SERPINI1: variants seen among roughly 807,000 people sequenced by gnomAD.
SERPINI1 encodes serpin family I member 1, also known as neuroserpin.
SERPINI1 carries 19 observed loss-of-function variants against 41.1 expected under a neutral mutation model. The observed-to-expected ratio is 0.46, with a 90% CI of 0.32 to 0.68. SERPINI1 has a LOEUF of 0.68. SERPINI1 is among the 30% of genes least tolerant of loss of function. The pLI is 0.03. For synonymous variants in SERPINI1, 138 were observed against 156.6 expected (o/e 0.88, Z 0.89); for missense variants, 460 against 479.2 (o/e 0.96, Z 0.37).
At chr3:167,810,829 T>C (rs901974323) in intron 6 of SERPINI1, among the ~76,000 whole-genome samples, 3 of 152,226 alleles carry the variant, frequency 2.0e-5, no homozygotes, top group Non-Finnish European at 4.4e-5. Flanking sequence ...TTTCAAACCC[T>C]ACCACTGCTT....
chr3:167,819,665 T>C (rs1205252733), intron 6 of SERPINI1, among the ~76,000 whole-genome samples: 3 of 152,208 alleles, frequency 2.0e-5, no homozygotes, highest in African/African-American at 7.2e-5. Flanking sequence ...GTAACAGATG[T>C]ACCAAAATGT....
At chr3:167,772,823 A>ACTCTCTCTCTCTCTCTCTCT (rs1172788769) in intron 1 of SERPINI1, among the ~76,000 whole-genome samples, 3 of 23,646 alleles carry the variant, frequency 1.3e-4, no homozygotes, top group African/African-American at 2.9e-4. Flanking sequence ...GTATCTTGAG[A>ACTCTCTCTCTCTCTCTCTCT]CTCTCTCTCT....
intron 1 of SERPINI1, among the ~76,000 whole-genome samples, chr3:167,756,723 T>G (rs1241045424): frequency 2.6e-5 from 4 of 152,240 alleles, no homozygotes; most frequent in Admixed American, 1.3e-4. Flanking sequence ...TTGTAATGAC[T>G]ATGGCAGTCA....
At chr3:167,789,494 G>A in intron 2 of SERPINI1, 116 bp downstream of exon 2, 1 of 1,212,822 alleles carries the variant, frequency 8.2e-7, no homozygotes, top group South Asian at 1.3e-5. Context: ...CAATCTCATT[G>A]AAATGGTATG....
At chr3:167,771,863 A>C (rs888414093) in intron 1 of SERPINI1, among the ~76,000 whole-genome samples, 1 of 152,082 alleles carries the variant, frequency 6.6e-6, no homozygotes, top group South Asian at 2.1e-4. Context: ...ACGCGCACGC[A>C]CATGCACACA....
intron 6 of SERPINI1, among the ~76,000 whole-genome samples, chr3:167,807,687 GT>G (rs1347432127): frequency 1.3e-5 from 2 of 152,064 alleles, no homozygotes; most frequent in African/African-American, 4.8e-5. Context: ...TCCCATTGTA[GT>G]AAATCATGTA....
chr3:167,791,376 C>T (rs185590599), intron 3 of SERPINI1, among the ~76,000 whole-genome samples: 10 of 152,208 alleles, frequency 6.6e-5, no homozygotes, highest in Non-Finnish European at 1.5e-4. Flanking sequence ...TGAACAGATA[C>T]TCAATATCCC....
chr3:167,764,683 C>T (rs1190242672), intron 1 of SERPINI1, among the ~76,000 whole-genome samples: 1 of 152,182 alleles, frequency 6.6e-6, no homozygotes, highest in Non-Finnish European at 1.5e-5. Context: ...CTCATTTCAG[C>T]ATTAACTCCA....
At chr3:167,792,838 C>A (rs1727577599) in intron 4 of SERPINI1, 54 bp downstream of exon 4, 3 of 1,435,102 alleles carry the variant, frequency 2.1e-6, no homozygotes, top group Non-Finnish European at 2.9e-6. Context: ...CAACAGATTT[C>A]TAAGAAAAAC....
intron 1 of SERPINI1, among the ~76,000 whole-genome samples, chr3:167,770,257 A>G (rs1488160016): frequency 6.6e-6 from 1 of 151,850 alleles, no homozygotes. Context: ...TTTAAGTTTC[A>G]TTGTTTACTT....
intron 6 of SERPINI1, 46 bp from the exon 7 acceptor site, chr3:167,822,940 C>T: frequency 9.5e-7 from 1 of 1,052,084 alleles, no homozygotes; most frequent in Admixed American, 1.7e-5. Flanking sequence ...AAAATATTTT[C>T]CTATCTCTGA....
At chr3:167,784,247 T>G (rs1727233253) in intron 1 of SERPINI1, among the ~76,000 whole-genome samples, 1 of 152,216 alleles carries the variant, frequency 6.6e-6, no homozygotes. Context: ...GCATGTATTT[T>G]CCTGCAGGGA....
intron 4 of SERPINI1, 88 bp downstream of exon 4, chr3:167,792,872 C>A: frequency 8.8e-7 from 1 of 1,136,076 alleles, no homozygotes; most frequent in Non-Finnish European, 1.3e-6. Context: ...ATTCAAACTC[C>A]TTGTCAATCT....
At chr3:167,792,317 C>A (rs1016951122) in intron 3 of SERPINI1, among the ~76,000 whole-genome samples, 3 of 150,932 alleles carry the variant, frequency 2.0e-5, no homozygotes, top group African/African-American at 7.3e-5. Flanking sequence ...TTTTGAATGC[C>A]CTTAATTTCT....
intron 1 of SERPINI1, among the ~76,000 whole-genome samples, chr3:167,755,921 AAG>A (rs1227142094): frequency 6.6e-6 from 1 of 151,834 alleles, no homozygotes; most frequent in Non-Finnish European, 1.5e-5. Flanking sequence ...CGCTGACTGA[AAG>A]AGATGTAGCA....
Position 167,789,398 on chromosome 3 carries a change from AT to A in SERPINI1, c.250+23del. On this transcript the variant is annotated intron_variant, in intron 2 of 8. Coordinates refer to ENST00000446050, the MANE Select transcript of SERPINI1 (RefSeq NM_001122752.2). ...AAAATGGTAAGAGTGATCAGGTTTGATTTCTCAAGACTTTTGAATTTGACTT... is the reference window on the plus strand; with the variant it reads ...AAAATGGTAAGAGTGATCAGGTTTGATTCTCAAGACTTTTGAATTTGACTT... The A allele has an allele frequency of 6.2e-7, 1 of 1,613,826 alleles. No homozygotes were observed. Among genetic ancestry groups the A allele is most frequent in the Non-Finnish European group, 8.5e-7 (1 of 1,179,848 alleles).
rs1727861799 is a variant in SERPINI1 at position 167,800,418 on chromosome 3, T to TTA, written c.881+5601_881+5602dup. Among the ~76,000 whole-genome samples, 3 of 152,224 alleles carry TTA rather than the reference T, an allele frequency of 2.0e-5. No individual in the cohort carries two copies. The East Asian group carries it at 5.8e-4, about 29-fold the overall frequency. Reference sequence around the variant, plus strand: ...CACTGTGTTAATCTTATAGGTAGCTTTATATATACTTCTCTCTAAATTGAG... The same window carrying TTA: ...CACTGTGTTAATCTTATAGGTAGCTTTATATATATACTTCTCTCTAAATTGAG... On this transcript the variant is annotated intron_variant, in intron 5 of 8. Transcript: ENST00000446050.
chr3:167,758,954 A>G (rs954179011), intron 1 of SERPINI1, among the ~76,000 whole-genome samples: 1 of 152,190 alleles, frequency 6.6e-6, no homozygotes, highest in Admixed American at 6.5e-5. Context: ...ACACTCTCTT[A>G]TATTTGAGTG....
At chr3:167,771,939 T>A (rs2108546072) in intron 1 of SERPINI1, among the ~76,000 whole-genome samples, 1 of 152,364 alleles carries the variant, frequency 6.6e-6, no homozygotes, top group East Asian at 1.9e-4. Context: ...GTGAACCTGA[T>A]GACCTCTAAA....
Sources: gnomAD v4.1 joint callset for allele counts (sites outside exome capture counted in the v4.1 genomes callset) on GRCh38, gnomAD v4.1.1 for gene constraint, MANE v1.5 for transcripts, NCBI Gene and HGNC (gene_info 2026-07-23, HGNC 2026-07-21) for gene names.